PLD1: variants seen among roughly 807,000 people sequenced by gnomAD.
PLD1 encodes the protein phospholipase D1.
A neutral mutation model predicts 137.1 loss-of-function variants in PLD1; 112 were observed. That is an observed-to-expected ratio of 0.82 (90% confidence interval 0.70 to 0.96). The LOEUF (loss-of-function observed/expected upper bound fraction) is 0.96, where lower values mean the gene tolerates loss of function less well. Ranked by LOEUF, PLD1 falls within the 40% of genes least tolerant of loss-of-function variation. The probability of loss-of-function intolerance (pLI) is 0.00; values close to 1 mark genes in which losing one functional copy is unlikely to be tolerated. For missense variants in PLD1, 1,321 were observed against 1,342.0 expected (o/e 0.98, Z 0.24); for synonymous variants, 431 against 454.7 (o/e 0.95, Z 0.66).
chr3:171,671,813 T>C (rs922555013), intron 19 of PLD1, among the ~76,000 whole-genome samples: 1 of 152,098 alleles, frequency 6.6e-6, no homozygotes, highest in Non-Finnish European at 1.5e-5. Context: ...GGAATAGTTA[T>C]CAGCATCTCA....
intron 23 of PLD1, among the ~76,000 whole-genome samples, chr3:171,623,237 G>C (rs1733784016): frequency 1.3e-5 from 2 of 151,428 alleles, no homozygotes. Flanking sequence ...CCTGTAGTTT[G>C]TATGGAAAAA....
chr3:171,756,689 C>T (rs1721057864), intron 1 of PLD1, among the ~76,000 whole-genome samples: 1 of 152,162 alleles, frequency 6.6e-6, no homozygotes. Flanking sequence ...TCAGGATGTG[C>T]CTTAAGTTAG....
At position 171,764,899 on chromosome 3, in the gene PLD1, GGAAGGAAGGAAGGAA is replaced by G. The variant is rs1560288832; in HGVS notation, c.-31-26832_-31-26818del. On this transcript the variant is annotated intron_variant, in intron 1 of 26. Transcript: ENST00000351298. The stretch of plus-strand genomic sequence containing the variant: ...AGAAAGAAAGAAAGAAAGAAAGGAA[GGAAGGAAGGAAGGAA>G]AGAAAGAAAGGAAAGAAAGGAAAGA... Among the ~76,000 whole-genome samples the G allele has an allele frequency of 1.9e-3, 48 of 24,778 alleles. 2 individuals carry two copies. Among genetic ancestry groups the G allele is most frequent in the East Asian group, 3.4e-3 (6 of 1,790 alleles). 16.3% of individuals were successfully genotyped at this position (24,778 alleles called of 152,430 possible).
intron 23 of PLD1, among the ~76,000 whole-genome samples, chr3:171,626,333 C>T (rs181703120): frequency 7.2e-4 from 109 of 152,214 alleles, no homozygotes; most frequent in Middle Eastern, 3.4e-3. Flanking sequence ...ACAAAGCCTC[C>T]AAGAAATATG....
chr3:171,801,067 T>C (rs1335509641), intron 1 of PLD1, among the ~76,000 whole-genome samples: 2 of 152,208 alleles, frequency 1.3e-5, no homozygotes, highest in Non-Finnish European at 1.5e-5. Context: ...CATACAATCA[T>C]TATAAAAGCC....
chr3:171,686,990 T>C (rs992927321), intron 15 of PLD1, among the ~76,000 whole-genome samples, 192 bp from the exon 16 acceptor site: 2 of 152,214 alleles, frequency 1.3e-5, no homozygotes, highest in Admixed American at 1.3e-4. Flanking sequence ...GAAAGTCTGA[T>C]GTTTGACGAA....
intron 23 of PLD1, among the ~76,000 whole-genome samples, chr3:171,632,530 C>CA (rs1462371984): frequency 1.3e-5 from 2 of 151,910 alleles, no homozygotes; most frequent in African/African-American, 4.8e-5. Context: ...TCAGAAACCA[C>CA]ATACATATTT....
chr3:171,663,872 C>T (rs1211073567), intron 19 of PLD1, among the ~76,000 whole-genome samples: 3 of 152,022 alleles, frequency 2.0e-5, no homozygotes, highest in African/African-American at 4.8e-5. Context: ...ATATACAAAG[C>T]GATCCAATAC....
Position 171,688,537 on chromosome 3 carries a change from A to C in PLD1, c.1539+139T>G, listed in dbSNP as rs1714799480. 6 of 706,210 alleles carry C rather than the reference A, an allele frequency of 8.5e-6. No individual in the cohort carries two copies. In the South Asian group the frequency reaches 1.0e-4, roughly 12 times the overall value. The allele number at this position is 706,210 out of a possible 1,614,324, so 43.7% of individuals were successfully genotyped here. On this transcript the variant is annotated intron_variant, in intron 14 of 26. Transcript: ENST00000351298. The stretch of plus-strand genomic sequence containing the variant: ...TGGTGTTTGAAACCAGGTCTGTCTC[A>C]TGATTGACTTAAAATGTTCTTTTCC...
At chr3:171,806,842 T>C (rs956781160) in intron 1 of PLD1, among the ~76,000 whole-genome samples, 1 of 152,212 alleles carries the variant, frequency 6.6e-6, no homozygotes, top group Non-Finnish European at 1.5e-5. Context: ...TCAATAACAA[T>C]AATTCCCTTA....
At chr3:171,775,403 A>C (rs992947622) in intron 1 of PLD1, among the ~76,000 whole-genome samples, 2 of 152,196 alleles carry the variant, frequency 1.3e-5, no homozygotes, top group Non-Finnish European at 1.5e-5. Flanking sequence ...TTATGTCAGT[A>C]TAATTGGTTT....
intron 1 of PLD1, among the ~76,000 whole-genome samples, chr3:171,766,345 T>G (rs976499517): frequency 6.6e-6 from 1 of 152,132 alleles, no homozygotes; most frequent in African/African-American, 2.4e-5. Context: ...AATACCAATA[T>G]GTAGAAAAGT....
intron 23 of PLD1, among the ~76,000 whole-genome samples, chr3:171,640,603 G>A (rs1262215889): frequency 2.0e-5 from 3 of 152,156 alleles, no homozygotes; most frequent in African/African-American, 7.2e-5. Context: ...TGTGTGTGAG[G>A]GCCACAGGCC....
chr3:171,733,198 T>C (rs1394454591), intron 6 of PLD1, among the ~76,000 whole-genome samples: 1 of 152,246 alleles, frequency 6.6e-6, no homozygotes, highest in African/African-American at 2.4e-5. Flanking sequence ...TAGCAGGATT[T>C]CAAGTTCATT....
chr3:171,609,352 A>G (rs1351620024), intron 25 of PLD1, among the ~76,000 whole-genome samples: 2 of 152,174 alleles, frequency 1.3e-5, no homozygotes, highest in Non-Finnish European at 2.9e-5. Context: ...AGCTAAATAT[A>G]GAACTATCAT....
chr3:171,807,021 T>G (rs1723874377), intron 1 of PLD1, among the ~76,000 whole-genome samples: 1 of 152,206 alleles, frequency 6.6e-6, no homozygotes, highest in African/African-American at 2.4e-5. Context: ...AAAAGTGCAT[T>G]TCTCAGCTGG....
chr3:171,677,714 C>A lies in PLD1; in HGVS notation c.1868-20G>T, dbSNP rs200456901. The A allele has an allele frequency of 6.2e-7, 1 of 1,611,280 alleles. No individual in the cohort carries two copies. The highest frequency in any genetic ancestry group is 8.5e-7 in the Non-Finnish European group (1 of 1,178,808). ...CGGTATCTGTGAATGCAGCAAGACC[C>A]CCTCAGAGACTGTGGTTCAGGTGAG... is the stretch of plus-strand genomic sequence containing the variant. On this transcript the variant is annotated intron_variant, in intron 16 of 26. Coordinates refer to ENST00000351298, the MANE Select transcript of PLD1 (RefSeq NM_002662.5).
At chr3:171,677,753 G>A (rs1713540979) in intron 16 of PLD1, 59 bp from the exon 17 acceptor site, 2 of 1,531,768 alleles carry the variant, frequency 1.3e-6, no homozygotes, top group Non-Finnish European at 8.9e-7. Context: ...CAGAAAGGGA[G>A]GCTCAACTCT....
chr3:171,730,174 C>T (rs1398419395), intron 6 of PLD1, among the ~76,000 whole-genome samples: 2 of 152,150 alleles, frequency 1.3e-5, no homozygotes, highest in African/African-American at 4.8e-5. Context: ...CTACTACAGC[C>T]AGCACTAATA....
Sources: gnomAD v4.1 joint callset for allele counts (sites outside exome capture counted in the v4.1 genomes callset) on GRCh38, gnomAD v4.1.1 for gene constraint, MANE v1.5 for transcripts, NCBI Gene and HGNC (gene_info 2026-07-23, HGNC 2026-07-21) for gene names.